KIRREL1: variants seen among roughly 807,000 people sequenced by gnomAD.
KIRREL1 encodes kin of IRRE-like protein 1.
KIRREL1 carries 25 observed loss-of-function variants against 83.3 expected under a neutral mutation model. That is an observed-to-expected ratio of 0.30 (90% CI 0.22 to 0.42). The LOEUF is 0.42. Among genes scored for constraint, KIRREL1 ranks in the 10% least tolerant of loss-of-function variants. The pLI is 1.00. For synonymous variants in KIRREL1, 388 were observed against 410.4 expected (o/e 0.95, Z 0.66); for missense variants, 812 against 1,032.3 (o/e 0.79, Z 2.92).
chr1:158,097,656 T>C lies in KIRREL1; in HGVS notation c.*2536T>C, dbSNP rs1662388943. 1 of 153,388 alleles carries C rather than the reference T, an allele frequency of 6.5e-6. No individual in the cohort carries two copies. The highest frequency in any genetic ancestry group is 2.4e-5 in the African/African-American group (1 of 41,448). The allele number at this position is 153,388 out of a possible 1,614,324, so 9.5% of individuals were successfully genotyped here. A position where few individuals can be genotyped will look rare whatever the true frequency, so the allele number is the denominator to read the frequency against. On this transcript the variant is annotated 3_prime_UTR_variant, in exon 15 of 15. Transcript: ENST00000359209. ...ACGTGTTGGTGCATCAGAATCTGAA[T>C]TGGAACCTACCTGATGGGCCCAGTG... is the stretch of plus-strand genomic sequence containing the variant.
At chr1:157,997,020 C>T (rs78357276) in intron 1 of KIRREL1, among the ~76,000 whole-genome samples, 1 of 152,158 alleles carries the variant, frequency 6.6e-6, no homozygotes, top group Non-Finnish European at 1.5e-5. Flanking sequence ...CCTCTGCCCC[C>T]CTAGGACCTC....
At chr1:158,010,747 C>T (rs771988171) in intron 1 of KIRREL1, among the ~76,000 whole-genome samples, 1 of 152,086 alleles carries the variant, frequency 6.6e-6, no homozygotes, top group Non-Finnish European at 1.5e-5. Context: ...GCCTGAGACA[C>T]CCAACCCCCT....
intron 1 of KIRREL1, among the ~76,000 whole-genome samples, chr1:158,021,936 C>T (rs1660012787): frequency 6.6e-6 from 1 of 152,052 alleles, no homozygotes. Context: ...GCTAGTTTGG[C>T]CAGGCTTCCT....
rs1315764450 is a variant in KIRREL1, at chr1:157,998,122, G to A, written c.52+4394G>A. On this transcript the variant is annotated intron_variant, in intron 1 of 14. Coordinates refer to ENST00000359209, the MANE Select transcript of KIRREL1 (RefSeq NM_018240.7). ...AAGGCTCAACCGCTTCTTACATCTC[G>A]GCTTCCCAAAGTGCCGGGATTATAG... is the stretch of plus-strand genomic sequence containing the variant. 5.9e-5 allele frequency among the ~76,000 whole-genome samples: 9 copies of A among 152,036 alleles called. No homozygotes were observed. In the East Asian group the frequency reaches 9.6e-4, roughly 16 times the overall value.
intron 1 of KIRREL1, among the ~76,000 whole-genome samples, chr1:158,065,754 A>G (rs1478469643): frequency 6.6e-6 from 1 of 152,024 alleles, no homozygotes; most frequent in Non-Finnish European, 1.5e-5. Context: ...TCTTCAACCT[A>G]GAAGCTCAAG....
chr1:158,065,250 G>C (rs1278037998), intron 1 of KIRREL1, among the ~76,000 whole-genome samples: 1 of 152,124 alleles, frequency 6.6e-6, no homozygotes, highest in Non-Finnish European at 1.5e-5. Context: ...ATTTCTTCCT[G>C]GGCTTCCAGC....
rs1446093975 is a variant in KIRREL1, at chr1:158,094,837, A to G, written c.1991A>G (p.Glu664Gly). Residue 664 changes from glutamate (E) to glycine (G), a missense_variant, in exon 15 of 15, where the codon GAG becomes GGG. By Grantham distance (98) the Glu-to-Gly change is moderately conservative. Coordinates refer to ENST00000359209, the MANE Select transcript of KIRREL1 (RefSeq NM_018240.7). The surrounding 1 kb of genome is among the most constrained non-coding windows in gnomAD (Gnocchi z 4.6). ...SRGPASDYGP[E>G]PTPPGPAAPA... ...GGCCCTGCCTCTGACTATGGCCCTGAGCCCACACCCCCTGGCCCTGCTGCC... is the reference window on the plus strand; with the variant it reads ...GGCCCTGCCTCTGACTATGGCCCTGGGCCCACACCCCCTGGCCCTGCTGCC... The G allele has an allele frequency of 1.2e-5, 20 of 1,613,850 alleles. No individual in the cohort carries two copies. The highest frequency in any genetic ancestry group is 1.7e-5 in the Non-Finnish European group (20 of 1,179,982).
intron 1 of KIRREL1, among the ~76,000 whole-genome samples, chr1:158,053,657 T>G (rs945210207): frequency 6.6e-6 from 1 of 152,232 alleles, no homozygotes; most frequent in East Asian, 1.9e-4. Context: ...TTGGAATTGA[T>G]CATTTTCCTC....
At chr1:158,025,039 G>A (rs1418716270) in intron 1 of KIRREL1, among the ~76,000 whole-genome samples, 3 of 152,148 alleles carry the variant, frequency 2.0e-5, no homozygotes, top group African/African-American at 4.8e-5. Context: ...CTTTGTAGCC[G>A]CCTCCTCTGT....
chr1:158,093,569 C>T (rs1015105023), intron 12 of KIRREL1, 54 bp from the exon 13 acceptor site: 67 of 1,610,798 alleles, frequency 4.2e-5, no homozygotes, highest in Non-Finnish European at 5.7e-5. Context: ...CCAGAAGCAG[C>T]CGCTGCAGAG....
rs1401994905 is a variant in KIRREL1, at chr1:158,086,612, G to A, written c.527G>A (p.Gly176Glu). Residue 176 changes from glycine to glutamate, a missense_variant, in exon 5 of 15, where the codon GGG (glycine) becomes GAG (glutamate). Coordinates refer to ENST00000359209, the MANE Select transcript of KIRREL1 (RefSeq NM_018240.7). Reference sequence around the variant, plus strand: ...ATGTTCCAGGAATTGCTGAAGGATGGGAAGAGGGAGACCACCGTGAGCCAA... The same window carrying A: ...ATGTTCCAGGAATTGCTGAAGGATGAGAAGAGGGAGACCACCGTGAGCCAA... ...AVASTELLKD[G>E]KRETTVSQLL... The A allele has an allele frequency of 5.2e-6, 8 of 1,551,656 alleles. No homozygotes were observed. Among genetic ancestry groups the A allele is most frequent in the African/African-American group, 1.4e-5 (1 of 72,884 alleles).
At chr1:157,997,333 C>T (rs144134891) in intron 1 of KIRREL1, among the ~76,000 whole-genome samples, 6 of 152,274 alleles carry the variant, frequency 3.9e-5, no homozygotes, top group African/African-American at 1.4e-4. Context: ...ATCCATGTAA[C>T]GTACATGGAA....
At chr1:158,090,707 AAGTCTGTGGATCAGTCTCAG>A (rs1662169356) in intron 10 of KIRREL1, among the ~76,000 whole-genome samples, 2 of 152,106 alleles carry the variant, frequency 1.3e-5, no homozygotes, top group Admixed American at 6.5e-5. Flanking sequence ...TGCCTATTAT[AAGTCTGTGGATCAGTCTCAG>A]AGCCAGCCAG....
At chr1:158,044,297 A>G (rs1355077854) in intron 1 of KIRREL1, among the ~76,000 whole-genome samples, 2 of 152,198 alleles carry the variant, frequency 1.3e-5, no homozygotes, top group African/African-American at 2.4e-5. Flanking sequence ...AAGGTCCTGC[A>G]TCTGGGAGGG....
chr1:158,033,445 T>C (rs960261444), intron 1 of KIRREL1, among the ~76,000 whole-genome samples: 1 of 152,194 alleles, frequency 6.6e-6, no homozygotes, highest in African/African-American at 2.4e-5. Context: ...GGGCTTTCCA[T>C]GAGTGGCCGC....
chr1:158,069,801 A>C (rs1661460977), intron 1 of KIRREL1, among the ~76,000 whole-genome samples: 1 of 152,142 alleles, frequency 6.6e-6, no homozygotes, highest in Non-Finnish European at 1.5e-5. Context: ...CCTGAGCCTT[A>C]GCTTTTTTTA....
At chr1:158,073,914 C>T (rs376395812) in intron 1 of KIRREL1, among the ~76,000 whole-genome samples, 1 of 152,144 alleles carries the variant, frequency 6.6e-6, no homozygotes, top group Non-Finnish European at 1.5e-5. Flanking sequence ...GAAAGCCATG[C>T]GTATAAATTC....
chr1:157,998,786 C>T (rs1215433204), intron 1 of KIRREL1, among the ~76,000 whole-genome samples: 1 of 152,158 alleles, frequency 6.6e-6, no homozygotes, highest in Non-Finnish European at 1.5e-5. Context: ...TTAGCCTGTG[C>T]CCTGGGGAAC....
chr1:158,017,164 A>G (rs1172717254), intron 1 of KIRREL1, among the ~76,000 whole-genome samples: 1 of 152,080 alleles, frequency 6.6e-6, no homozygotes, highest in African/African-American at 2.4e-5. Context: ...CATTGCACGC[A>G]CGGCCCAGGA....
Sources: allele counts gnomAD v4.1 joint callset (sites outside exome capture counted in the v4.1 genomes callset), GRCh38; gene constraint gnomAD v4.1.1; non-coding constraint Gnocchi (gnomAD v3.1); transcripts MANE v1.5; gene names NCBI Gene and HGNC (gene_info 2026-07-23, HGNC 2026-07-21).